The following ANKRD17 variants were observed in gnomAD, a reference collection of about 807,000 sequenced individuals.
ANKRD17 encodes the protein ankyrin repeat domain-containing protein 17.
A neutral mutation model predicts 229.7 loss-of-function variants in ANKRD17; 19 were observed. The ratio of observed to expected loss-of-function variants is 0.08; its 90% confidence interval spans 0.06 to 0.12. ANKRD17 has a LOEUF of 0.12. Ranked by LOEUF, ANKRD17 falls within the 10% of genes least tolerant of loss-of-function variation. ANKRD17 has a pLI of 1.00. For missense variants in ANKRD17, 2,176 were observed against 3,176.8 expected (o/e 0.68, Z 7.57); for synonymous variants, 1,112 against 1,146.1 (o/e 0.97, Z 0.60).
intron 2 of ANKRD17, among the ~76,000 whole-genome samples, chr4:73,165,994 C>G (rs1733179768): frequency 6.6e-6 from 1 of 152,164 alleles, no homozygotes; most frequent in South Asian, 2.1e-4. Flanking sequence ...AGACCATAAG[C>G]AAGAGAATCC....
chr4:73,131,082 T>C (rs1728139977), intron 16 of ANKRD17, among the ~76,000 whole-genome samples: 1 of 152,186 alleles, frequency 6.6e-6, no homozygotes, highest in South Asian at 2.1e-4. Flanking sequence ...AAATAATTCC[T>C]TCAAACTATT....
intron 1 of ANKRD17, among the ~76,000 whole-genome samples, chr4:73,197,673 A>T (rs1051289216): frequency 7.2e-5 from 11 of 152,020 alleles, no homozygotes; most frequent in African/African-American, 1.9e-4. Flanking sequence ...CTATTAAAAA[A>T]ATTTTTTTTT....
At chr4:73,079,947 A>G (rs1158467391) in intron 30 of ANKRD17, among the ~76,000 whole-genome samples, 1 of 152,082 alleles carries the variant, frequency 6.6e-6, no homozygotes, top group Non-Finnish European at 1.5e-5. Context: ...CTCTACTAAA[A>G]ATACAAAAAT....
chr4:73,199,733 T>A (rs1341306885), intron 1 of ANKRD17, among the ~76,000 whole-genome samples: 1 of 152,210 alleles, frequency 6.6e-6, no homozygotes, highest in African/African-American at 2.4e-5. Flanking sequence ...TGTCAGTCTT[T>A]CCAACGACAA....
At chr4:73,113,026 G>C in intron 24 of ANKRD17, 1 of 994,900 alleles carries the variant, frequency 1.0e-6, no homozygotes, top group South Asian at 2.2e-5. Context: ...GACCTCAGGT[G>C]ATGTGCCCGC....
intron 1 of ANKRD17, among the ~76,000 whole-genome samples, chr4:73,257,101 T>C (rs1283664260): frequency 6.6e-6 from 1 of 152,216 alleles, no homozygotes; most frequent in African/African-American, 2.4e-5. Context: ...TACTTTTAGA[T>C]GAATCACTTG....
chr4:73,128,065 C>T (rs1381473257), intron 16 of ANKRD17, among the ~76,000 whole-genome samples: 3 of 152,166 alleles, frequency 2.0e-5, no homozygotes, highest in African/African-American at 7.2e-5. Flanking sequence ...TGGAGAAGGA[C>T]ATGAAACTTA....
intron 1 of ANKRD17, among the ~76,000 whole-genome samples, chr4:73,256,022 G>A (rs189680498): frequency 2.0e-4 from 31 of 152,114 alleles, no homozygotes; most frequent in East Asian, 1.9e-3. Flanking sequence ...TACCACGCCC[G>A]GCCAATGGGC....
Position 73,076,271 on chromosome 4 carries a change from G to A in ANKRD17, c.7772C>T (p.Ala2591Val). 5 of 1,610,712 alleles carry A rather than the reference G, an allele frequency of 3.1e-6. No individual in the cohort carries two copies. Among genetic ancestry groups the A allele is most frequent in the East Asian group, 2.2e-5 (1 of 44,574 alleles). Residue 2591 changes from alanine to valine, a missense_variant, in exon 34 of 34, where the codon GCA (alanine) becomes GTA (valine). By Grantham distance (64) the Ala-to-Val change is moderately conservative. Transcript: ENST00000358602. Reference sequence around the variant, plus strand: ...CATATGCACACTGTTCATGTGAGGTGCCCAGGGTCCAGTCCACACCTATGA... The same window carrying A: ...CATATGCACACTGTTCATGTGAGGTACCCAGGGTCCAGTCCACACCTATGA... Reference protein sequence around the residue: ...GPQTVWTGPWAPHMNSVHMNQ... With the variant: ...GPQTVWTGPWVPHMNSVHMNQ...
intron 12 of ANKRD17, 36 bp downstream of exon 12, chr4:73,142,604 A>G (rs1485847775): frequency 1.2e-6 from 2 of 1,613,584 alleles, no homozygotes. Context: ...GAGAAATACT[A>G]ATTCACAATT....
At chr4:73,154,688 C>G (rs1191786450) in intron 5 of ANKRD17, among the ~76,000 whole-genome samples, 1 of 152,046 alleles carries the variant, frequency 6.6e-6, no homozygotes, top group African/African-American at 2.4e-5. Context: ...AAAAATCAAC[C>G]TTCTGGGTAA....
chr4:73,193,221 A>C (rs901671251), intron 1 of ANKRD17, among the ~76,000 whole-genome samples: 3 of 152,224 alleles, frequency 2.0e-5, no homozygotes, highest in African/African-American at 7.2e-5. Flanking sequence ...TGAGATTCAT[A>C]AATGTTGTAG....
In ANKRD17 at chr4:73,139,923, A is replaced by C; in HGVS notation, c.2693T>G (p.Leu898Arg). Residue 898 changes from leucine (L) to arginine (R), a missense_variant, in exon 15 of 34, where the codon CTT (leucine) becomes CGT (arginine). By Grantham distance (102) the Leu-to-Arg change is moderately radical. Around this residue, in one of 18 missense-constraint regions of ANKRD17, gnomAD observed 230 missense variants for 252.3 expected, o/e 0.91. Coordinates refer to ENST00000358602, the MANE Select transcript of ANKRD17 (RefSeq NM_032217.5). ...YLEVKAQRIQ[L>R]QQQQQQSCQH... ...GCAAGACTGTTGCTGCTGTTGCTGA[A>C]GTTGAATTCTTTGAGCTTTAACCTC... The C allele has an allele frequency of 6.2e-7, 1 of 1,614,190 alleles. No homozygotes were observed. Among genetic ancestry groups the C allele is most frequent in the Non-Finnish European group, 8.5e-7 (1 of 1,180,046 alleles).
intron 6 of ANKRD17, among the ~76,000 whole-genome samples, chr4:73,152,207 C>T (rs766309482): frequency 1.3e-5 from 2 of 152,020 alleles, no homozygotes; most frequent in Non-Finnish European, 1.5e-5. Flanking sequence ...TAATTTTTTC[C>T]AGCTTTATTT....
At position 73,077,619 on chromosome 4, in the gene ANKRD17, T is replaced by G; in HGVS notation, c.7409-86A>C. 12 of 1,218,802 alleles carry G rather than the reference T, an allele frequency of 9.8e-6. No homozygotes were observed. The African/African-American group carries it at 1.1e-4, about 11-fold the overall frequency. 75.5% of individuals were successfully genotyped at this position (1,218,802 alleles called of 1,614,324 possible). A position where few individuals can be genotyped will look rare whatever the true frequency, so the allele number is the denominator to read the frequency against. On this transcript the variant is annotated intron_variant, in intron 31 of 33. Transcript: ENST00000358602. ...TTTGTTTTTCTAATATTTTCCACAT[T>G]GAACCGTAAATTATTTCAATATAAT... is the stretch of plus-strand genomic sequence containing the variant.
At chr4:73,159,704 T>C (rs989819075) in intron 3 of ANKRD17, among the ~76,000 whole-genome samples, 1 of 152,232 alleles carries the variant, frequency 6.6e-6, no homozygotes, top group Non-Finnish European at 1.5e-5. Flanking sequence ...GTTTTAATTC[T>C]TTCTCTTGCC....
rs377139923 is a variant in ANKRD17 at position 73,120,849 on chromosome 4, A to T, written c.3849+32T>A. The T allele has an allele frequency of 6.5e-5, 103 of 1,585,552 alleles. 1 individual carries two copies. In the South Asian group the frequency reaches 1.1e-3, roughly 17 times the overall value. On this transcript the variant is annotated intron_variant, in intron 20 of 33. Transcript: ENST00000358602. ...ATATATCTTAAATATCAAAGCAATA[A>T]ATTCATGTGTAAATCTCAGACTTTT...
At chr4:73,206,452 G>C (rs1208448302) in intron 1 of ANKRD17, among the ~76,000 whole-genome samples, 3 of 147,852 alleles carry the variant, frequency 2.0e-5, no homozygotes, top group Non-Finnish European at 3.0e-5. Flanking sequence ...GAGAGAGAGA[G>C]AGATAAAGAG....
At chr4:73,134,991 A>T in intron 16 of ANKRD17, 126 bp downstream of exon 16, 2 of 909,420 alleles carry the variant, frequency 2.2e-6, no homozygotes, top group Non-Finnish European at 3.1e-6. Flanking sequence ...TAATTAATTT[A>T]AAACTGGCTC....
Sources: gnomAD v4.1 joint callset for allele counts (sites outside exome capture counted in the v4.1 genomes callset) on GRCh38, gnomAD v4.1.1 for gene constraint, gnomAD v4.1.1 regional missense constraint, MANE v1.5 for transcripts, NCBI Gene and HGNC (gene_info 2026-07-23, HGNC 2026-07-21) for gene names.